Variants in ASAH2B observed in about 807,000 individuals in gnomAD.
ASAH2B encodes N-acylsphingosine amidohydrolase 2B.
Under a neutral mutation model 2.9 loss-of-function variants are expected in ASAH2B, and 1 was observed. The ratio of observed to expected loss-of-function variants is 0.34; its 90% CI spans 0.12 to 1.63. The LOEUF is 1.63. Among genes scored for constraint, ASAH2B ranks in the 40% most tolerant of loss-of-function variants. The pLI is 0.36. For missense variants in ASAH2B, 9 were observed against 37.7 expected (o/e 0.24, Z 1.99); for synonymous variants, 4 against 13.3 (o/e 0.30, Z 1.52).
chr10:50,751,409 AT>A (rs1839976262), intron 4 of ASAH2B, among the ~76,000 whole-genome samples: 1 of 151,028 alleles, frequency 6.6e-6, no homozygotes, highest in African/African-American at 2.4e-5. Context: ...AGATTGTCAT[AT>A]GTTTTATCCC....
At chr10:50,740,620 G>A (rs1267754906) in intron 1 of ASAH2B, among the ~76,000 whole-genome samples, 5 of 152,154 alleles carry the variant, frequency 3.3e-5, no homozygotes, top group South Asian at 2.1e-4. Context: ...TCCATTCACT[G>A]GCACAGTGGC....
At chr10:50,742,751 G>C (rs993588771) in intron 1 of ASAH2B, among the ~76,000 whole-genome samples, 164 bp from the exon 2 acceptor site, 1 of 152,264 alleles carries the variant, frequency 6.6e-6, no homozygotes, top group East Asian at 1.9e-4. Flanking sequence ...ACCTTGGCCA[G>C]TAAATGGAAA....
At chr10:50,742,211 A>G (rs1441174519) in intron 1 of ASAH2B, among the ~76,000 whole-genome samples, 1 of 152,200 alleles carries the variant, frequency 6.6e-6, no homozygotes, top group African/African-American at 2.4e-5. Flanking sequence ...GTAAGACAGG[A>G]AAATGAAAGA....
intron 3 of ASAH2B, among the ~76,000 whole-genome samples, chr10:50,746,084 C>T (rs1839900869): frequency 1.3e-5 from 2 of 151,374 alleles, no homozygotes; most frequent in African/African-American, 2.4e-5. Context: ...CCCTCTTGAA[C>T]TTATTCCCTT....
intron 5 of ASAH2B, among the ~76,000 whole-genome samples, chr10:50,754,198 A>G (rs1161434910): frequency 1.3e-5 from 2 of 150,986 alleles, no homozygotes; most frequent in Admixed American, 6.6e-5. Flanking sequence ...ATGAATCTAG[A>G]TGTGAAAATA....
At chr10:50,744,468 T>C (rs1839878465) in intron 2 of ASAH2B, among the ~76,000 whole-genome samples, 1 of 151,610 alleles carries the variant, frequency 6.6e-6, no homozygotes, top group Non-Finnish European at 1.5e-5. Context: ...ATCTATAATG[T>C]GAGGAATAAA....
chr10:50,746,606 T>A (rs7073186), intron 3 of ASAH2B, among the ~76,000 whole-genome samples: 107,731 of 148,558 alleles, frequency 0.73, 42,359 homozygotes, highest in East Asian at 0.97. Flanking sequence ...CTGCACTAAT[T>A]CACATTGTCA....
intron 3 of ASAH2B, among the ~76,000 whole-genome samples, chr10:50,747,488 G>C (rs151262726): frequency 0.01 from 1,518 of 151,658 alleles, 21 homozygotes; most frequent in African/African-American, 0.035. Context: ...TGTGAGACTG[G>C]ACACTCTTGT....
Position 50,742,952 on chromosome 10 carries a change from C to T in ASAH2B, c.-62C>T, listed in dbSNP as rs372083437. ...GAGGCAGCATCGACAATTTATGGAC[C>T]GCACGCATTATCTGCTTACATTCAG... is the stretch of plus-strand genomic sequence containing the variant. On this transcript the variant is annotated 5_prime_UTR_variant, in exon 2 of 6. Transcript: ENST00000647317. The T allele has an allele frequency of 8.7e-6, 14 of 1,613,898 alleles. No individual in the cohort carries two copies. Among genetic ancestry groups the T allele is most frequent in the Middle Eastern group, 3.3e-4 (2 of 6,080 alleles).
intron 3 of ASAH2B, among the ~76,000 whole-genome samples, chr10:50,748,439 C>T (rs578129998): frequency 0.027 from 3,968 of 149,280 alleles, 39 homozygotes; most frequent in Non-Finnish European, 0.04. Context: ...TCCCCTCACA[C>T]ACTAATGTAA....
intron 2 of ASAH2B, 26 bp downstream of exon 2, chr10:50,743,036 G>T: frequency 3.1e-6 from 5 of 1,603,252 alleles, no homozygotes; most frequent in Non-Finnish European, 3.4e-6. Flanking sequence ...TTGTGCGTGC[G>T]TGCGTGCGTG....
Position 50,742,922 on chromosome 10 carries a change from G to A in ASAH2B, c.-92G>A, listed in dbSNP as rs199824484. 383 of 1,613,856 alleles carry A rather than the reference G, an allele frequency of 2.4e-4. No individual in the cohort carries two copies. Among genetic ancestry groups the A allele is most frequent in the Non-Finnish European group, 3.1e-4 (364 of 1,179,898 alleles). The stretch of plus-strand genomic sequence containing the variant: ...TCCCTGCCTTTCCTGCAGGCTCAGC[G>A]ATATGAGGCAGCATCGACAATTTAT... On this transcript the variant is annotated 5_prime_UTR_variant, in exon 2 of 6. Transcript: ENST00000647317.
In ASAH2B at chr10:50,757,562, AT is replaced by A. The variant is rs1837121683; in HGVS notation, c.*2823del. The A allele has an allele frequency of 6.8e-6, 1 of 147,770 alleles. No homozygotes were observed. The highest frequency in any genetic ancestry group is 2.5e-5 in the African/African-American group (1 of 40,748). The allele number at this position is 147,770 out of a possible 1,614,324, so 9.2% of individuals were successfully genotyped here. On this transcript the variant is annotated 3_prime_UTR_variant, in exon 6 of 6. Transcript: ENST00000647317. ...TGTGCCCTCTTATGCTTCTCCTCCA[AT>A]GTAAGCAAGCTTACTGTCTTTTTCT... is the stretch of plus-strand genomic sequence containing the variant.
chr10:50,755,862 A>G lies in ASAH2B; in HGVS notation c.*1122A>G, dbSNP rs920264954. 5.9e-5 allele frequency: 9 copies of G among 151,808 alleles called. No homozygotes were observed. The highest frequency in any genetic ancestry group is 1.2e-4 in the Non-Finnish European group (8 of 67,810). 9.4% of individuals were successfully genotyped at this position (151,808 alleles called of 1,614,324 possible). ...TTTAATATGTAAATTCTGGGGAGGC[A>G]TTTAAAAAATCAGTAATCTTCAAGT... is the stretch of plus-strand genomic sequence containing the variant. On this transcript the variant is annotated 3_prime_UTR_variant, in exon 6 of 6. Coordinates refer to ENST00000647317, the MANE Select transcript of ASAH2B (RefSeq NM_001321958.2).
intron 3 of ASAH2B, among the ~76,000 whole-genome samples, chr10:50,746,758 T>C (rs1457678085): frequency 6.6e-6 from 1 of 151,058 alleles, no homozygotes; most frequent in Non-Finnish European, 1.5e-5. Context: ...TCACTGATAT[T>C]GAACATTTAA....
rs559821638 is a variant in ASAH2B, at chr10:50,756,126, C to T, written c.*1386C>T. 6.8e-6 allele frequency: 1 copy of T among 147,656 alleles called. No individual in the cohort carries two copies. The highest frequency in any genetic ancestry group is 7.0e-5 in the Admixed American group (1 of 14,272). 9.1% of individuals were successfully genotyped at this position (147,656 alleles called of 1,614,324 possible). ...CAAAGCAAATTTCCAAACCCCAGGT[C>T]ATACTTTTGTATGTATGTAAAAGCT... On this transcript the variant is annotated 3_prime_UTR_variant, in exon 6 of 6. Coordinates refer to ENST00000647317, the MANE Select transcript of ASAH2B (RefSeq NM_001321958.2).
At chr10:50,753,927 C>T (rs1247364573) in intron 5 of ASAH2B, among the ~76,000 whole-genome samples, 1 of 112,660 alleles carries the variant, frequency 8.9e-6, no homozygotes, top group Non-Finnish European at 1.8e-5. Context: ...AATGACATCT[C>T]CCTAAAAAAC....
rs1260094667 is a variant in ASAH2B, at chr10:50,741,059, G to A, written c.-100+1076G>A. ...GTTAGGAAACCACTTCATTAGTCCAGTTGATACCTAGGTCTGAGCTGTCCA... is the reference window on the plus strand; with the variant it reads ...GTTAGGAAACCACTTCATTAGTCCAATTGATACCTAGGTCTGAGCTGTCCA... On this transcript the variant is annotated intron_variant, in intron 1 of 5. Coordinates refer to ENST00000647317, the MANE Select transcript of ASAH2B (RefSeq NM_001321958.2). Among the ~76,000 whole-genome samples, 3 of 152,334 alleles carry A rather than the reference G, an allele frequency of 2.0e-5. No homozygotes were observed. In the East Asian group the frequency reaches 5.8e-4, roughly 29 times the overall value.
chr10:50,747,711 A>C (rs1049673133), intron 3 of ASAH2B, among the ~76,000 whole-genome samples: 2 of 151,736 alleles, frequency 1.3e-5, no homozygotes, highest in Non-Finnish European at 2.9e-5. Context: ...ATTTGCATTC[A>C]TTGGTTTTCA....
Sources: allele counts gnomAD v4.1 joint callset (sites outside exome capture counted in the v4.1 genomes callset), GRCh38; gene constraint gnomAD v4.1.1; transcripts MANE v1.5; gene names NCBI Gene and HGNC (gene_info 2026-07-23, HGNC 2026-07-21).